Variants in SLC41A2 observed in about 807,000 individuals in gnomAD.
SLC41A2 encodes solute carrier family 41 member 2.
A neutral mutation model predicts 58.3 loss-of-function variants in SLC41A2; 32 were observed. The observed-to-expected ratio is 0.55, with a 90% CI of 0.41 to 0.74. The LOEUF (loss-of-function observed/expected upper bound fraction) is 0.74, where lower values mean the gene tolerates loss of function less well. Ranked by LOEUF, SLC41A2 falls within the 30% of genes least tolerant of loss-of-function variation. SLC41A2 has a pLI of 0.00. For synonymous variants in SLC41A2, 190 were observed against 235.0 expected (o/e 0.81, Z 1.75); for missense variants, 514 against 680.6 (o/e 0.76, Z 2.72).
intron 10 of SLC41A2, among the ~76,000 whole-genome samples, chr12:104,815,487 T>TCA (rs1212492908): frequency 6.6e-6 from 1 of 152,164 alleles, no homozygotes; most frequent in African/African-American, 2.4e-5. Context: ...CTTTGGATGA[T>TCA]ATTGATTCCT....
chr12:104,825,333 C>A (rs1191094954), intron 10 of SLC41A2, among the ~76,000 whole-genome samples: 1 of 152,192 alleles, frequency 6.6e-6, no homozygotes, highest in Non-Finnish European at 1.5e-5. Flanking sequence ...CAGGAGAAAA[C>A]CAGTGGTAGC....
chr12:104,842,512 C>T (rs891460058), intron 10 of SLC41A2, among the ~76,000 whole-genome samples: 1 of 152,202 alleles, frequency 6.6e-6, no homozygotes, highest in East Asian at 1.9e-4. Flanking sequence ...TTAATAACAA[C>T]AACAATAGCG....
chr12:104,947,291 C>G (rs1368948856), intron 1 of SLC41A2, among the ~76,000 whole-genome samples: 1 of 149,056 alleles, frequency 6.7e-6, no homozygotes, highest in Non-Finnish European at 1.5e-5. Context: ...GCAACCTCCA[C>G]CTCCTGGGTT....
At chr12:104,937,343 GT>G (rs1379003478) in intron 1 of SLC41A2, among the ~76,000 whole-genome samples, 2 of 152,014 alleles carry the variant, frequency 1.3e-5, no homozygotes, top group Non-Finnish European at 2.9e-5. Context: ...CCCTATACAG[GT>G]GTATCATTTT....
Position 104,940,934 on chromosome 12 carries a change from CAAAAAAAAAAAA to C in SLC41A2, c.-167-12252_-167-12241del. 2.1e-5 allele frequency among the ~76,000 whole-genome samples: 2 copies of C among 95,532 alleles called. 1 individual carries two copies. The highest frequency in any genetic ancestry group is 0.01 in the Middle Eastern group (2 of 198). 62.7% of individuals were successfully genotyped at this position (95,532 alleles called of 152,430 possible). The stretch of plus-strand genomic sequence containing the variant: ...CGAGTGACAGAGCAAGACTCTGCCT[CAAAAAAAAAAAA>C]AAAAAAAAAGTTAGCTCCGAAGAAA... On this transcript the variant is annotated intron_variant, in intron 1 of 10. Transcript: ENST00000258538.
intron 2 of SLC41A2, among the ~76,000 whole-genome samples, chr12:104,919,884 A>G (rs2046511167): frequency 6.6e-6 from 1 of 151,808 alleles, no homozygotes. Context: ...AAGTGTAAGA[A>G]CTCTGCTTAG....
chr12:104,824,124 G>A (rs188012592), intron 10 of SLC41A2, among the ~76,000 whole-genome samples: 2 of 152,250 alleles, frequency 1.3e-5, no homozygotes, highest in East Asian at 3.9e-4. Flanking sequence ...TCCTTGGCTA[G>A]GGCTCCACCC....
chr12:104,915,363 T>C (rs1294016928), intron 2 of SLC41A2, among the ~76,000 whole-genome samples: 2 of 152,244 alleles, frequency 1.3e-5, no homozygotes, highest in African/African-American at 4.8e-5. Context: ...TTGGGCAGTA[T>C]GGCCATTTTC....
At chr12:104,855,889 G>A (rs2043003632) in intron 8 of SLC41A2, among the ~76,000 whole-genome samples, 1 of 152,164 alleles carries the variant, frequency 6.6e-6, no homozygotes, top group Non-Finnish European at 1.5e-5. Flanking sequence ...AAGAGGATGA[G>A]TTCAGTTAGA....
chr12:104,830,624 T>C (rs1163937369), intron 10 of SLC41A2, among the ~76,000 whole-genome samples: 1 of 152,188 alleles, frequency 6.6e-6, no homozygotes, highest in Non-Finnish European at 1.5e-5. Context: ...GGGGAGATGA[T>C]ATACATCTCA....
At chr12:104,955,159 G>A (rs1198388328) in intron 1 of SLC41A2, among the ~76,000 whole-genome samples, 1 of 151,620 alleles carries the variant, frequency 6.6e-6, no homozygotes, top group African/African-American at 2.4e-5. Flanking sequence ...GGGATTACAG[G>A]TGCCCGCCAG....
At chr12:104,820,717 C>A (rs889710645) in intron 10 of SLC41A2, among the ~76,000 whole-genome samples, 1 of 152,302 alleles carries the variant, frequency 6.6e-6, no homozygotes, top group South Asian at 2.1e-4. Context: ...TCTTGGCCCA[C>A]TGCAACCTCC....
At chr12:104,861,008 C>A in intron 8 of SLC41A2, among the ~76,000 whole-genome samples, 1 of 152,094 alleles carries the variant, frequency 6.6e-6, no homozygotes, top group South Asian at 2.1e-4. Context: ...TAAACAAAAT[C>A]TGAAATATAT....
chr12:104,921,291 C>T (rs534088281), intron 2 of SLC41A2, among the ~76,000 whole-genome samples: 1 of 152,060 alleles, frequency 6.6e-6, no homozygotes, highest in Admixed American at 6.5e-5. Flanking sequence ...GGTCAGAGAA[C>T]ACCAGATCTG....
At chr12:104,920,618 A>T (rs1565902244) in intron 2 of SLC41A2, among the ~76,000 whole-genome samples, 1 of 151,812 alleles carries the variant, frequency 6.6e-6, no homozygotes, top group African/African-American at 2.4e-5. Context: ...TCTCGACAAA[A>T]TTTTTTTTAA....
intron 8 of SLC41A2, among the ~76,000 whole-genome samples, chr12:104,854,431 C>A (rs563436446): frequency 6.6e-6 from 1 of 152,160 alleles, no homozygotes; most frequent in Non-Finnish European, 1.5e-5. Context: ...GGCGTGGCGG[C>A]GGGCGACTGT....
Position 104,912,770 on chromosome 12 carries a change from A to G in SLC41A2, c.556-3008T>C, listed in dbSNP as rs1174544097. Among the ~76,000 whole-genome samples, 3 of 152,182 alleles carry G rather than the reference A, an allele frequency of 2.0e-5. No homozygotes were observed. The East Asian group carries it at 5.8e-4, about 29-fold the overall frequency. On this transcript the variant is annotated intron_variant, in intron 2 of 10. Transcript: ENST00000258538. ...GCCAGGACTTGCATCTGGTATCTCAAGCGGAGGACAGTCTTTTGGACTGAG... is the reference window on the plus strand; with the variant it reads ...GCCAGGACTTGCATCTGGTATCTCAGGCGGAGGACAGTCTTTTGGACTGAG...
At chr12:104,832,922 C>CT (rs1228885444) in intron 10 of SLC41A2, among the ~76,000 whole-genome samples, 1 of 152,158 alleles carries the variant, frequency 6.6e-6, no homozygotes, top group Non-Finnish European at 1.5e-5. Context: ...GTCTCAAATG[C>CT]TTTTGCACAG....
intron 8 of SLC41A2, among the ~76,000 whole-genome samples, chr12:104,859,222 G>A (rs1435991308): frequency 6.6e-6 from 1 of 152,128 alleles, no homozygotes; most frequent in Non-Finnish European, 1.5e-5. Flanking sequence ...GGCCTTGAAA[G>A]CTAGGCAGAA....
Sources: allele counts gnomAD v4.1 joint callset (sites outside exome capture counted in the v4.1 genomes callset), GRCh38; gene constraint gnomAD v4.1.1; transcripts MANE v1.5; gene names NCBI Gene and HGNC (gene_info 2026-07-23, HGNC 2026-07-21).